Variants in CCDC7 observed in about 807,000 individuals in gnomAD.
CCDC7 encodes coiled-coil domain containing 7, also known as coiled-coil domain-containing protein 7.
A neutral mutation model predicts 196.9 loss-of-function variants in CCDC7; 183 were observed. That is an observed-to-expected ratio of 0.93 (90% CI 0.82 to 1.05). The LOEUF is 1.05. Among genes scored for constraint, CCDC7 ranks in the 50% least tolerant of loss-of-function variants. The probability of loss-of-function intolerance (pLI) is 0.00; values close to 1 mark genes in which losing one functional copy is unlikely to be tolerated. For synonymous variants in CCDC7, 525 were observed against 484.6 expected, an observed-to-expected ratio of 1.08 and a Z score of -1.10; for missense variants, 1,540 against 1,482.2, an observed-to-expected ratio of 1.04 and a Z score of -0.64.
At chr10:32,463,257 G>A (rs2460701) in intron 5 of CCDC7, among the ~76,000 whole-genome samples, 60,379 of 151,900 alleles carry the variant, frequency 0.4, 14,302 homozygotes, top group Non-Finnish European at 0.55. Context: ...CATATATCTG[G>A]TATACTCCAA....
chr10:32,447,967 T>C (rs1243098731), upstream of CCDC7, among the ~76,000 whole-genome samples: 1 of 152,194 alleles, frequency 6.6e-6, no homozygotes, highest in East Asian at 1.9e-4. Flanking sequence ...ATAATGTGTT[T>C]ATTTACTATT....
intron 28 of CCDC7, among the ~76,000 whole-genome samples, chr10:32,768,632 G>C (rs143274776): frequency 6.6e-6 from 1 of 152,094 alleles, no homozygotes; most frequent in Non-Finnish European, 1.5e-5. Context: ...TGTGTGTTTA[G>C]TACGATGTTG....
intron 18 of CCDC7, among the ~76,000 whole-genome samples, chr10:32,617,754 A>T (rs983061776): frequency 6.6e-6 from 1 of 151,876 alleles, no homozygotes; most frequent in African/African-American, 2.4e-5. Context: ...TATCAAACTA[A>T]TGTATATTCT....
chr10:32,836,132 G>A (rs886145329), intron 33 of CCDC7, among the ~76,000 whole-genome samples: 5 of 151,956 alleles, frequency 3.3e-5, no homozygotes, highest in African/African-American at 1.2e-4. Flanking sequence ...TTGATCTTTG[G>A]TGAGATACTG....
chr10:32,758,509 C>G lies in CCDC7; in HGVS notation c.2906-20468C>G, dbSNP rs189925621. Among the ~76,000 whole-genome samples, 4 of 152,280 alleles carry G rather than the reference C, an allele frequency of 2.6e-5. No individual in the cohort carries two copies. The East Asian group carries it at 7.7e-4, about 29-fold the overall frequency. On this transcript the variant is annotated intron_variant, in intron 28 of 41. Coordinates refer to ENST00000639629, the Ensembl canonical transcript of CCDC7. Reference sequence around the variant, plus strand: ...CCTAAGACAAAAACCACATGATTATCTCAATAGATATGGAAAAGGCCTTTG... The same window carrying G: ...CCTAAGACAAAAACCACATGATTATGTCAATAGATATGGAAAAGGCCTTTG...
At chr10:32,807,354 C>T (rs1201467013) in intron 30 of CCDC7, among the ~76,000 whole-genome samples, 7 of 151,860 alleles carry the variant, frequency 4.6e-5, no homozygotes, top group African/African-American at 1.5e-4. Flanking sequence ...AGAATGTTAG[C>T]ACACAGGCGA....
chr10:32,457,622 C>G (rs2034645391), intron 3 of CCDC7, among the ~76,000 whole-genome samples: 1 of 152,036 alleles, frequency 6.6e-6, no homozygotes, highest in African/African-American at 2.4e-5. Flanking sequence ...TTTTCATTAT[C>G]ATTCTACTAG....
At chr10:32,631,576 G>A (rs899103209) in intron 18 of CCDC7, among the ~76,000 whole-genome samples, 11 of 151,724 alleles carry the variant, frequency 7.3e-5, no homozygotes, top group Non-Finnish European at 1.6e-4. Context: ...TTTAAATTGG[G>A]AGTGACAGGC....
intron 18 of CCDC7, among the ~76,000 whole-genome samples, chr10:32,619,909 CCTTTTTTTTT>C (rs2063201184): frequency 1.0e-5 from 1 of 95,990 alleles, no homozygotes; most frequent in Non-Finnish European, 1.9e-5. Context: ...CTTCAATGTA[CCTTTTTTTTT>C]TTTTTTTTTT....
At chr10:32,846,034 T>TA in intron 36 of CCDC7, 75 bp downstream of exon 37, 3 of 1,076,994 alleles carry the variant, frequency 2.8e-6, no homozygotes, top group South Asian at 2.7e-5. Context: ...GTATAGACCT[T>TA]TAATGACAAC....
At chr10:32,871,224 G>T (rs377672150) in intron 41 of CCDC7, among the ~76,000 whole-genome samples, 2 of 151,766 alleles carry the variant, frequency 1.3e-5, no homozygotes, top group African/African-American at 4.8e-5. Context: ...TGAATCCATC[G>T]GGTCCTGGAC....
chr10:32,671,247 A>G (rs1280067602), intron 21 of CCDC7, among the ~76,000 whole-genome samples: 2 of 152,194 alleles, frequency 1.3e-5, no homozygotes, highest in Non-Finnish European at 2.9e-5. Flanking sequence ...CTATACAGGT[A>G]TATCAGTTTT....
chr10:32,753,748 T>G (rs901712998), intron 28 of CCDC7, among the ~76,000 whole-genome samples: 2 of 152,194 alleles, frequency 1.3e-5, no homozygotes, highest in Non-Finnish European at 2.9e-5. Flanking sequence ...TAAATTACTC[T>G]TAGAACATGC....
chr10:32,590,090 G>T (rs2059646072), intron 18 of CCDC7, among the ~76,000 whole-genome samples: 1 of 151,884 alleles, frequency 6.6e-6, no homozygotes, highest in Non-Finnish European at 1.5e-5. Flanking sequence ...ACTTATTCTT[G>T]CCATTTTGTT....
intron 24 of CCDC7, among the ~76,000 whole-genome samples, chr10:32,701,330 CG>C (rs1206556041): frequency 5.4e-5 from 8 of 148,366 alleles, no homozygotes; most frequent in Admixed American, 5.4e-4. Context: ...GTTTGATTTG[CG>C]TATGTTGAAC....
intron 13 of CCDC7, among the ~76,000 whole-genome samples, chr10:32,550,657 G>T (rs1295810138): frequency 6.6e-6 from 1 of 152,070 alleles, no homozygotes; most frequent in Non-Finnish European, 1.5e-5. Flanking sequence ...TGAGATGATT[G>T]TGTGATTTTT....
intron 9 of CCDC7, among the ~76,000 whole-genome samples, 184 bp from the exon 11 acceptor site, chr10:32,517,761 T>TA (rs2047256076): frequency 6.7e-6 from 1 of 149,994 alleles, no homozygotes; most frequent in African/African-American, 2.5e-5. Flanking sequence ...CCCTAAAACT[T>TA]AAAGTATAAT....
intron 21 of CCDC7, among the ~76,000 whole-genome samples, chr10:32,678,208 G>A (rs867992934): frequency 1.4e-4 from 21 of 152,048 alleles, no homozygotes; most frequent in Middle Eastern, 3.4e-3. Context: ...TTTCAGGGAG[G>A]TCATAGATCT....
At chr10:32,587,949 A>T (rs1177336119) in intron 18 of CCDC7, among the ~76,000 whole-genome samples, 1 of 152,150 alleles carries the variant, frequency 6.6e-6, no homozygotes, top group Non-Finnish European at 1.5e-5. Flanking sequence ...GACAGGTGGG[A>T]CCTTTGGGAG....
Sources: gnomAD v4.1 joint callset for allele counts (sites outside exome capture counted in the v4.1 genomes callset) on GRCh38, gnomAD v4.1.1 for gene constraint, MANE v1.5 for transcripts, NCBI Gene and HGNC (gene_info 2026-07-23, HGNC 2026-07-21) for gene names.